Variants in CAMTA1 observed in about 807,000 individuals in gnomAD.
CAMTA1 encodes the protein calmodulin binding transcription activator 1, also known as calmodulin-binding transcription activator 1.
Under a neutral mutation model 170.9 loss-of-function variants are expected in CAMTA1, and 27 were observed. The observed-to-expected ratio is 0.16, with a 90% CI of 0.12 to 0.22. The LOEUF (loss-of-function observed/expected upper bound fraction) is 0.22, where lower values mean the gene tolerates loss of function less well. Ranked by LOEUF, CAMTA1 falls within the 10% of genes least tolerant of loss-of-function variation. CAMTA1 has a pLI of 1.00. For missense variants in CAMTA1, 1,619 were observed against 2,217.2 expected (o/e 0.73, Z 5.42); for synonymous variants, 833 against 891.5 (o/e 0.93, Z 1.17).
rs1173399532 is a variant in CAMTA1 at position 7,443,511 on chromosome 1, C to T, written c.439-24319C>T. ...GACTGGCGCCTGGACCACCTCAGCA[C>T]AATACCTACCACTGATTGAGCTTCT... On this transcript the variant is annotated intron_variant, in intron 5 of 22. Transcript: ENST00000303635. The surrounding 1 kb of genome is among the most constrained non-coding windows in gnomAD (Gnocchi z 4.1). 6.6e-6 allele frequency among the ~76,000 whole-genome samples: 1 copy of T among 152,128 alleles called. No homozygotes were observed. The highest frequency in any genetic ancestry group is 1.5e-5 in the Non-Finnish European group (1 of 68,040).
intron 5 of CAMTA1, among the ~76,000 whole-genome samples, chr1:7,398,183 C>CTA (rs2089525089): frequency 4.4e-5 from 2 of 45,212 alleles, no homozygotes; most frequent in African/African-American, 8.8e-5. Context: ...CTCTCTCTCT[C>CTA]TCTCTCTCTC....
intron 6 of CAMTA1, among the ~76,000 whole-genome samples, chr1:7,542,879 G>GTGTTTT (rs1459264062): frequency 1.4e-5 from 2 of 138,172 alleles, no homozygotes; most frequent in Admixed American, 7.3e-5. Context: ...GTGTGTGTGT[G>GTGTTTT]TTTGAGCCGG....
intron 18 of CAMTA1, among the ~76,000 whole-genome samples, chr1:7,747,002 T>A (rs751737322): frequency 5.9e-5 from 9 of 152,208 alleles, no homozygotes; most frequent in Admixed American, 1.3e-4. Flanking sequence ...TAAAACAAAT[T>A]TCATGAGTTC....
intron 4 of CAMTA1, among the ~76,000 whole-genome samples, chr1:7,153,940 G>T (rs1191960774): frequency 6.6e-6 from 1 of 152,230 alleles, no homozygotes; most frequent in Non-Finnish European, 1.5e-5. Context: ...CTGGGCTCCG[G>T]CCACGATTCT....
At chr1:6,873,587 T>A (rs1416139985) in intron 3 of CAMTA1, among the ~76,000 whole-genome samples, 4 of 152,216 alleles carry the variant, frequency 2.6e-5, no homozygotes, top group Non-Finnish European at 5.9e-5. Flanking sequence ...TAGACAGTAC[T>A]TTATTTGTAA....
At chr1:7,166,824 A>T (rs555773727) in intron 4 of CAMTA1, among the ~76,000 whole-genome samples, 2,806 of 140,290 alleles carry the variant, frequency 0.02, 42 homozygotes, top group Middle Eastern at 0.052. Flanking sequence ...TTTTTTTTTT[A>T]AATTGAGATG....
chr1:7,200,862 A>G (rs955351231), intron 4 of CAMTA1, among the ~76,000 whole-genome samples: 1 of 152,202 alleles, frequency 6.6e-6, no homozygotes, highest in African/African-American at 2.4e-5. Context: ...CTTGTTTCTC[A>G]TCAGGCTTAA....
chr1:7,258,727 C>G (rs990739392), intron 5 of CAMTA1, among the ~76,000 whole-genome samples: 3 of 152,238 alleles, frequency 2.0e-5, no homozygotes, highest in Admixed American at 1.3e-4. Context: ...TATTGATCCT[C>G]TCTGCATCTT....
At chr1:7,659,857 T>C (rs1161156302) in intron 7 of CAMTA1, among the ~76,000 whole-genome samples, 1 of 152,230 alleles carries the variant, frequency 6.6e-6, no homozygotes, top group East Asian at 1.9e-4. Context: ...GATCGTGTTT[T>C]CTCCTGGCCA....
chr1:7,039,377 G>A (rs926455248), intron 3 of CAMTA1, among the ~76,000 whole-genome samples: 6 of 152,298 alleles, frequency 3.9e-5, no homozygotes, highest in Admixed American at 6.5e-5. Context: ...ACAGGGGACA[G>A]AAATGGAGCA....
At chr1:7,498,950 AGT>A (rs1340255162) in intron 6 of CAMTA1, among the ~76,000 whole-genome samples, 5 of 127,380 alleles carry the variant, frequency 3.9e-5, no homozygotes, top group African/African-American at 1.2e-4. Flanking sequence ...TGTGTCCATG[AGT>A]GTGTAGAGAG....
intron 4 of CAMTA1, among the ~76,000 whole-genome samples, chr1:7,211,294 G>A (rs139755944): frequency 2.6e-4 from 39 of 152,268 alleles, no homozygotes; most frequent in South Asian, 2.1e-4. Context: ...GTGTACCATC[G>A]AACAAGCTTT....
intron 3 of CAMTA1, among the ~76,000 whole-genome samples, chr1:6,868,517 G>T (rs953839675): frequency 2.6e-5 from 4 of 151,952 alleles, no homozygotes; most frequent in African/African-American, 9.7e-5. Flanking sequence ...TATGCCTGAG[G>T]TGAAAATGGC....
intron 11 of CAMTA1, among the ~76,000 whole-genome samples, chr1:7,702,651 G>A (rs2096454224): frequency 6.6e-6 from 1 of 152,196 alleles, no homozygotes; most frequent in Admixed American, 6.5e-5. Flanking sequence ...GATGAGGGCT[G>A]TCCTGCTCTT....
chr1:7,060,866 C>T (rs530181874), intron 3 of CAMTA1, among the ~76,000 whole-genome samples: 2 of 152,306 alleles, frequency 1.3e-5, no homozygotes, highest in Admixed American at 6.5e-5. Flanking sequence ...GAGTTGCTGG[C>T]GATTTATGTC....
intron 5 of CAMTA1, among the ~76,000 whole-genome samples, chr1:7,273,588 G>T (rs998677882): frequency 6.6e-6 from 1 of 152,204 alleles, no homozygotes; most frequent in Non-Finnish European, 1.5e-5. Context: ...GTCAGGTAGG[G>T]ATGAGGGGTG....
Position 7,440,661 on chromosome 1 carries a change from C to G in CAMTA1, c.439-27169C>G, listed in dbSNP as rs371015833. ...GCAGGTGAAGGTGTGGTCCCCGGATCCCAGCACCTGGAAGCTGCGGTCTGG... is the reference window on the plus strand; with the variant it reads ...GCAGGTGAAGGTGTGGTCCCCGGATGCCAGCACCTGGAAGCTGCGGTCTGG... On this transcript the variant is annotated intron_variant, in intron 5 of 22. Coordinates refer to ENST00000303635, the MANE Select transcript of CAMTA1 (RefSeq NM_015215.4). Among the ~76,000 whole-genome samples the G allele has an allele frequency of 1.4e-3, 208 of 152,284 alleles. 1 individual carries two copies. The highest frequency in any genetic ancestry group is 4.6e-3 in the African/African-American group (192 of 41,564).
chr1:7,725,364 AGAG>A (rs2096677677), intron 11 of CAMTA1, among the ~76,000 whole-genome samples: 1 of 152,242 alleles, frequency 6.6e-6, no homozygotes, highest in South Asian at 2.1e-4. Context: ...TGGGAATGGT[AGAG>A]GAGTACTTGA....
At chr1:6,940,588 C>T (rs1016294880) in intron 3 of CAMTA1, among the ~76,000 whole-genome samples, 1 of 152,170 alleles carries the variant, frequency 6.6e-6, no homozygotes, top group Non-Finnish European at 1.5e-5. Flanking sequence ...ATCACAGAGT[C>T]CCTCCTGGGG....
Sources: gnomAD v4.1 joint callset for allele counts (sites outside exome capture counted in the v4.1 genomes callset) on GRCh38, gnomAD v4.1.1 for gene constraint, Gnocchi (gnomAD v3.1) non-coding constraint, MANE v1.5 for transcripts, NCBI Gene and HGNC (gene_info 2026-07-23, HGNC 2026-07-21) for gene names.